BRD1: variants seen among roughly 807,000 people sequenced by gnomAD.
BRD1 encodes the protein bromodomain-containing protein 1.
BRD1 carries 24 observed loss-of-function variants against 107.7 expected under a neutral mutation model. That is an observed-to-expected ratio of 0.22 (90% CI 0.16 to 0.31). The LOEUF (loss-of-function observed/expected upper bound fraction) is 0.31. Ranked by LOEUF, BRD1 falls within the 10% of genes least tolerant of loss-of-function variation. The pLI is 1.00. For missense variants in BRD1, 1,279 were observed against 1,638.6 expected (o/e 0.78, Z 3.79); for synonymous variants, 744 against 686.1 (o/e 1.08, Z -1.32).
At chr22:49,809,791 T>C (rs1007866857) in intron 2 of BRD1, among the ~76,000 whole-genome samples, 3 of 152,086 alleles carry the variant, frequency 2.0e-5, no homozygotes, top group Non-Finnish European at 4.4e-5. Flanking sequence ...CGGGACATCT[T>C]GAAAATATCA....
At chr22:49,799,337 C>T (rs1025023059) in intron 3 of BRD1, among the ~76,000 whole-genome samples, 1 of 151,970 alleles carries the variant, frequency 6.6e-6, no homozygotes, top group African/African-American at 2.4e-5. Flanking sequence ...CAGAGGGGAC[C>T]GCCAGGCCAA....
In BRD1 at chr22:49,827,574, C is replaced by G. The variant is rs961381591; in HGVS notation, c.-92G>C. On this transcript the variant is annotated 5_prime_UTR_variant, in exon 1 of 13. Coordinates refer to ENST00000404760, the MANE Select transcript of BRD1 (RefSeq NM_001304808.3). ...GGCGCGGCCGAGGCGGTGCTAATGG[C>G]GCCCGCGGCTCCTCCGCCAACGGCC... The G allele has an allele frequency of 2.1e-5, 3 of 144,676 alleles. No homozygotes were observed. Among genetic ancestry groups the G allele is most frequent in the African/African-American group, 7.4e-5 (3 of 40,324 alleles). 9.0% of individuals were successfully genotyped at this position (144,676 alleles called of 1,614,324 possible).
intron 2 of BRD1, among the ~76,000 whole-genome samples, chr22:49,815,990 T>C (rs939106102): frequency 6.6e-6 from 1 of 151,254 alleles, no homozygotes; most frequent in Non-Finnish European, 1.5e-5. Flanking sequence ...GCACCCACAC[T>C]GCCCGGGAGG....
intron 2 of BRD1, among the ~76,000 whole-genome samples, chr22:49,813,754 A>G (rs1363690850): frequency 6.6e-6 from 1 of 151,748 alleles, no homozygotes; most frequent in Non-Finnish European, 1.5e-5. Context: ...GCTTGAGCCC[A>G]GGAGGCGGAG....
rs2059830706 is a variant in BRD1, at chr22:49,810,565, T to G, written c.1368-6205A>C. Among the ~76,000 whole-genome samples the G allele has an allele frequency of 2.0e-5, 3 of 152,252 alleles. No individual in the cohort carries two copies. The East Asian group carries it at 5.8e-4, about 29-fold the overall frequency. ...GACCCACAGAATGAAGAGAAAGTATTTGCAAGTCATGTATCTAATAGGGAG... is the reference window on the plus strand; with the variant it reads ...GACCCACAGAATGAAGAGAAAGTATGTGCAAGTCATGTATCTAATAGGGAG... On this transcript the variant is annotated intron_variant, in intron 2 of 12. Transcript: ENST00000404760.
chr22:49,816,315 C>T (rs1207258272), intron 2 of BRD1, among the ~76,000 whole-genome samples: 1 of 152,092 alleles, frequency 6.6e-6, no homozygotes, highest in Admixed American at 6.5e-5. Flanking sequence ...TTCACTCCTG[C>T]CTGGGCAACA....
intron 2 of BRD1, among the ~76,000 whole-genome samples, chr22:49,816,057 G>A (rs558428188): frequency 3.2e-4 from 49 of 152,174 alleles, no homozygotes; most frequent in African/African-American, 8.4e-4. Context: ...CACCCACACC[G>A]CCCGGGAGGT....
intron 8 of BRD1, among the ~76,000 whole-genome samples, chr22:49,780,789 A>G (rs2059192081): frequency 6.6e-6 from 1 of 152,142 alleles, no homozygotes; most frequent in Non-Finnish European, 1.5e-5. Context: ...CATGACCCGC[A>G]CCTCAGCACC....
chr22:49,821,412 T>G (rs976611488), intron 2 of BRD1, among the ~76,000 whole-genome samples: 2 of 152,210 alleles, frequency 1.3e-5, no homozygotes, highest in African/African-American at 4.8e-5. Context: ...AAACCATCTC[T>G]TCAAAGTCAG....
At chr22:49,815,025 C>T (rs750858524) in intron 2 of BRD1, among the ~76,000 whole-genome samples, 11 of 152,264 alleles carry the variant, frequency 7.2e-5, no homozygotes, top group East Asian at 1.9e-4. Flanking sequence ...CCCAAGTCGC[C>T]GGGGGCAGGG....
intron 3 of BRD1, among the ~76,000 whole-genome samples, chr22:49,800,390 G>A (rs1327847776): frequency 1.3e-5 from 2 of 152,088 alleles, no homozygotes; most frequent in African/African-American, 2.4e-5. Context: ...GGGGCTAAGA[G>A]TAACAAGATC....
chr22:49,788,679 G>A (rs568498851), intron 7 of BRD1, among the ~76,000 whole-genome samples: 5 of 152,294 alleles, frequency 3.3e-5, no homozygotes, highest in South Asian at 4.1e-4. Flanking sequence ...CCAGGGGGCC[G>A]GACAGGCTCT....
intron 5 of BRD1, 24 bp from the exon 6 acceptor site, chr22:49,798,141 T>G (rs779344073): frequency 1.6e-5 from 25 of 1,575,314 alleles, no homozygotes; most frequent in Non-Finnish European, 6.1e-6. Flanking sequence ...GGAAAAAGAA[T>G]CATTTACAAA....
Position 49,824,716 on chromosome 22 carries a change from G to A in BRD1, c.-14-385C>T. ...TCCCAGCATGCAGGCGGTCCCCCAG[G>A]AAGTCCACATACAGGGCTGGACCCC... On this transcript the variant is annotated intron_variant, in intron 1 of 12. Coordinates refer to ENST00000404760, the MANE Select transcript of BRD1 (RefSeq NM_001304808.3). This position sits in a 1 kb window ranked among gnomAD's most constrained non-coding sequence, Gnocchi z 5.9. 2.8e-6 allele frequency: 3 copies of A among 1,078,484 alleles called. No homozygotes were observed. Among genetic ancestry groups the A allele is most frequent in the Non-Finnish European group, 3.4e-6 (3 of 885,982 alleles). 66.8% of individuals were successfully genotyped at this position (1,078,484 alleles called of 1,614,324 possible).
At chr22:49,775,304 A>C in intron 12 of BRD1, 1 of 227,740 alleles carries the variant, frequency 4.4e-6, no homozygotes, top group Non-Finnish European at 8.5e-6. Flanking sequence ...ACACATGGGT[A>C]AGGAGTAGGG....
chr22:49,799,613 G>A (rs541626821), intron 3 of BRD1, among the ~76,000 whole-genome samples: 65 of 152,312 alleles, frequency 4.3e-4, no homozygotes, highest in South Asian at 3.1e-3. Context: ...GCACACAGCC[G>A]ACCTGCTGCC....
chr22:49,825,848 G>GT (rs1467893382), intron 1 of BRD1: 1 of 152,240 alleles, frequency 6.6e-6, no homozygotes, highest in Non-Finnish European at 1.5e-5. Context: ...CAGACACTGG[G>GT]TATCTTTCTC....
At position 49,773,458 on chromosome 22, in the gene BRD1, T is replaced by C. The variant is rs2059026427; in HGVS notation, c.*775A>G. On this transcript the variant is annotated 3_prime_UTR_variant, in exon 13 of 13. Coordinates refer to ENST00000404760, the MANE Select transcript of BRD1 (RefSeq NM_001304808.3). ...TCTATTGCTACCAAAGTGTTCTAAA[T>C]TAAAACAAGTTACAGAAAGCCCCTC... 6.6e-6 allele frequency: 1 copy of C among 152,558 alleles called. No homozygotes were observed. Among genetic ancestry groups the C allele is most frequent in the Non-Finnish European group, 1.5e-5 (1 of 68,038 alleles). The allele number at this position is 152,558 out of a possible 1,614,324, so 9.5% of individuals were successfully genotyped here.
intron 11 of BRD1, 93 bp downstream of exon 11, chr22:49,775,957 T>C (rs532771442): frequency 5.4e-4 from 559 of 1,031,104 alleles, no homozygotes; most frequent in Non-Finnish European, 7.0e-4. Context: ...GGAACCTCCT[T>C]GGACCACCGC....
Sources: gnomAD v4.1 joint callset for allele counts (sites outside exome capture counted in the v4.1 genomes callset) on GRCh38, gnomAD v4.1.1 for gene constraint, Gnocchi (gnomAD v3.1) non-coding constraint, MANE v1.5 for transcripts, NCBI Gene and HGNC (gene_info 2026-07-23, HGNC 2026-07-21) for gene names.